The following WAC variants were observed in gnomAD, a reference collection of about 807,000 sequenced individuals.
WAC encodes WW domain-containing adapter protein with coiled-coil.
Under a neutral mutation model 79.6 loss-of-function variants are expected in WAC, and 11 were observed. The ratio of observed to expected loss-of-function variants is 0.14; its 90% CI spans 0.09 to 0.23. The LOEUF is 0.23. Among genes scored for constraint, WAC ranks in the 10% least tolerant of loss-of-function variants. The pLI is 1.00. For synonymous variants in WAC, 304 were observed against 276.9 expected, an observed-to-expected ratio of 1.10 and a Z score of -0.97; for missense variants, 728 against 773.5, an observed-to-expected ratio of 0.94 and a Z score of 0.70.
chr10:28,542,946 T>G (rs1048886811), intron 3 of WAC, among the ~76,000 whole-genome samples: 2 of 152,262 alleles, frequency 1.3e-5, no homozygotes, highest in Admixed American at 6.5e-5. Context: ...AGTGAGAGTT[T>G]TAATGTTTTT....
At chr10:28,578,687 C>A (rs1467000532) in intron 3 of WAC, among the ~76,000 whole-genome samples, 1 of 151,854 alleles carries the variant, frequency 6.6e-6, no homozygotes, top group African/African-American at 2.4e-5. Flanking sequence ...TTTTTTTGGA[C>A]CATTTTCTGA....
chr10:28,594,015 G>GGA (rs1471492758), intron 6 of WAC, among the ~76,000 whole-genome samples: 6 of 152,228 alleles, frequency 3.9e-5, no homozygotes, highest in Non-Finnish European at 8.8e-5. Flanking sequence ...GATGCCAGTA[G>GGA]CATACCTCCC....
chr10:28,614,809 CT>C, intron 11 of WAC, 124 bp downstream of exon 11: 1 of 800,356 alleles, frequency 1.2e-6, no homozygotes, highest in Non-Finnish European at 1.9e-6. Flanking sequence ...CTAAAGTAGG[CT>C]TACATGTTGT....
chr10:28,567,260 T>A (rs1212002023), intron 3 of WAC, among the ~76,000 whole-genome samples: 1 of 151,842 alleles, frequency 6.6e-6, no homozygotes, highest in Admixed American at 6.6e-5. Flanking sequence ...CGAAGTATAT[T>A]TTCTTTATGT....
At chr10:28,541,060 A>C (rs1836988917) in intron 3 of WAC, among the ~76,000 whole-genome samples, 1 of 152,154 alleles carries the variant, frequency 6.6e-6, no homozygotes, top group Admixed American at 6.6e-5. Context: ...TTTCTATTTT[A>C]CAATCAGTAT....
chr10:28,567,949 G>T (rs1482417606), intron 3 of WAC, among the ~76,000 whole-genome samples: 1 of 152,100 alleles, frequency 6.6e-6, no homozygotes, highest in African/African-American at 2.4e-5. Context: ...TGTTGCCCAA[G>T]CTGGTCTCGA....
chr10:28,534,492 C>T (rs1382437691), intron 2 of WAC: 2 of 156,784 alleles, frequency 1.3e-5, no homozygotes, highest in Admixed American at 6.5e-5. Flanking sequence ...ACCCTTTCCC[C>T]TTTTAATATT....
chr10:28,581,933 T>C (rs1164636929), intron 3 of WAC, among the ~76,000 whole-genome samples: 1 of 152,226 alleles, frequency 6.6e-6, no homozygotes, highest in African/African-American at 2.4e-5. Context: ...TTTAGGGTAT[T>C]CTATCTATAT....
chr10:28,538,600 A>T (rs1267489688), intron 3 of WAC, among the ~76,000 whole-genome samples: 1 of 150,652 alleles, frequency 6.6e-6, no homozygotes, highest in Non-Finnish European at 1.5e-5. Context: ...AAAAAAAAAA[A>T]AGAATTCAGC....
intron 3 of WAC, among the ~76,000 whole-genome samples, chr10:28,550,838 T>C (rs1251283875): frequency 6.6e-6 from 1 of 152,186 alleles, no homozygotes; most frequent in African/African-American, 2.4e-5. Context: ...TGTACATAAT[T>C]GATGTGCTAA....
chr10:28,571,906 A>G (rs1183040334), intron 3 of WAC, among the ~76,000 whole-genome samples: 3 of 152,238 alleles, frequency 2.0e-5, no homozygotes, highest in Non-Finnish European at 4.4e-5. Context: ...TCTTATTATA[A>G]TTTGATAAAT....
At chr10:28,559,633 A>C (rs779636703) in intron 3 of WAC, among the ~76,000 whole-genome samples, 8 of 152,208 alleles carry the variant, frequency 5.3e-5, no homozygotes, top group Admixed American at 1.3e-4. Context: ...GTTTGATGGC[A>C]GTTCCCACTG....
chr10:28,596,274 C>T (rs1259227383), intron 7 of WAC, among the ~76,000 whole-genome samples: 1 of 152,130 alleles, frequency 6.6e-6, no homozygotes, highest in African/African-American at 2.4e-5. Flanking sequence ...AAGTCAAGTG[C>T]TTAATTTATA....
intron 3 of WAC, among the ~76,000 whole-genome samples, chr10:28,546,616 T>G (rs1019443772): frequency 6.6e-6 from 1 of 152,232 alleles, no homozygotes; most frequent in African/African-American, 2.4e-5. Flanking sequence ...TTTCTAAAAC[T>G]AAAATAATTT....
intron 3 of WAC, among the ~76,000 whole-genome samples, chr10:28,560,096 C>A (rs1838219912): frequency 6.6e-6 from 1 of 152,100 alleles, no homozygotes; most frequent in Admixed American, 6.6e-5. Context: ...AATCCCAGCA[C>A]TTTGGGAGGC....
intron 3 of WAC, among the ~76,000 whole-genome samples, chr10:28,547,945 A>T (rs1837453683): frequency 8.0e-6 from 1 of 124,774 alleles, no homozygotes. Context: ...TTTGAGAGAG[A>T]GTTTCGCTCT....
At chr10:28,554,817 T>G (rs992909764) in intron 3 of WAC, among the ~76,000 whole-genome samples, 6 of 152,232 alleles carry the variant, frequency 3.9e-5, no homozygotes, top group African/African-American at 1.4e-4. Flanking sequence ...GTAAGAGTTC[T>G]GACTTATCTT....
At chr10:28,584,913 C>A (rs755941640) in intron 4 of WAC, among the ~76,000 whole-genome samples, 2 of 151,962 alleles carry the variant, frequency 1.3e-5, no homozygotes, top group South Asian at 2.1e-4. Flanking sequence ...ACTAAAGATA[C>A]AAAAGTTATC....
chr10:28,608,191 A>G lies in WAC; in HGVS notation c.925A>G (p.Thr309Ala), dbSNP rs2232791. ...CTGATTATCTTTTTATTTAGAATCTACATCAGGAGACAAACCCGTATCACA... is the reference window on the plus strand; with the variant it reads ...CTGATTATCTTTTTATTTAGAATCTGCATCAGGAGACAAACCCGTATCACA... ...PAQKTERKESTSGDKPVSHSC... is the reference protein window; with the variant it reads ...PAQKTERKESASGDKPVSHSC... Residue 309 changes from threonine (T) to alanine (A), a missense_variant, in exon 8 of 14, where the codon ACA becomes GCA. This residue lies in a region of WAC where 648 missense variants were observed against 661.5 expected (regional missense o/e 0.98). Coordinates refer to ENST00000354911, the MANE Select transcript of WAC (RefSeq NM_016628.5). The G allele has an allele frequency of 1.5e-3, 2,378 of 1,613,942 alleles. 35 individuals are homozygous for G. The African/African-American group carries it at 0.028, about 19-fold the overall frequency.
Sources: gnomAD v4.1 joint callset for allele counts (sites outside exome capture counted in the v4.1 genomes callset) on GRCh38, gnomAD v4.1.1 for gene constraint, gnomAD v4.1.1 regional missense constraint, MANE v1.5 for transcripts, NCBI Gene and HGNC (gene_info 2026-07-23, HGNC 2026-07-21) for gene names.